The following SPECC1L variants were observed in gnomAD, a reference collection of about 807,000 sequenced individuals.
SPECC1L encodes the protein sperm antigen with calponin homology and coiled-coil domains 1 like, also known as cytospin-A.
In SPECC1L, 40 loss-of-function variants were observed where a neutral mutation model predicts 116.8. The ratio of observed to expected loss-of-function variants is 0.34; its 90% CI spans 0.27 to 0.45. SPECC1L has a LOEUF of 0.45. SPECC1L is among the 20% of genes least tolerant of loss of function. SPECC1L has a pLI of 1.00. For missense variants in SPECC1L, 1,110 were observed against 1,373.6 expected, an observed-to-expected ratio of 0.81 and a Z score of 3.03; for synonymous variants, 504 against 500.6, an observed-to-expected ratio of 1.01 and a Z score of -0.09.
rs2048708048 is a variant in SPECC1L, at chr22:24,270,905, G to A, written c.-220G>A. 1 of 152,302 alleles carries A rather than the reference G, an allele frequency of 6.6e-6. No homozygotes were observed. The highest frequency in any genetic ancestry group is 1.5e-5 in the Non-Finnish European group (1 of 68,124). The allele number at this position is 152,302 out of a possible 1,614,324, so 9.4% of individuals were successfully genotyped here. ...TGCTTTCCTGAGGCCGGACTCAACG[G>A]GTCTCGGCTGAGCCACCGGGTGAGC... On this transcript the variant is annotated 5_prime_UTR_variant, in exon 1 of 17. Coordinates refer to ENST00000314328, the MANE Select transcript of SPECC1L (RefSeq NM_015330.6).
At chr22:24,337,915 A>G (rs1056940831) in intron 9 of SPECC1L, among the ~76,000 whole-genome samples, 2 of 152,246 alleles carry the variant, frequency 1.3e-5, no homozygotes, top group African/African-American at 4.8e-5. Flanking sequence ...ATCAGAAAAT[A>G]TATGCGAAGT....
chr22:24,341,349 G>T (rs1179335642), intron 10 of SPECC1L, among the ~76,000 whole-genome samples: 3 of 152,150 alleles, frequency 2.0e-5, no homozygotes, highest in Non-Finnish European at 4.4e-5. Flanking sequence ...CAGGAACAGG[G>T]AGCTATCACA....
At chr22:24,356,407 TTTATTA>T (rs748034306) in intron 11 of SPECC1L, among the ~76,000 whole-genome samples, 1 of 151,978 alleles carries the variant, frequency 6.6e-6, no homozygotes, top group African/African-American at 2.4e-5. Flanking sequence ...AACTAGCCCC[TTTATTA>T]TTATTATTAT....
intron 10 of SPECC1L, among the ~76,000 whole-genome samples, chr22:24,344,691 TC>T (rs1215856632): frequency 6.6e-6 from 1 of 151,352 alleles, no homozygotes; most frequent in Non-Finnish European, 1.5e-5. Flanking sequence ...ATGTAGAAAA[TC>T]CTAAGGAGTC....
At chr22:24,281,621 A>G (rs2048944126) in intron 2 of SPECC1L, among the ~76,000 whole-genome samples, 1 of 152,204 alleles carries the variant, frequency 6.6e-6, no homozygotes, top group Admixed American at 6.5e-5. Flanking sequence ...TATAAAAATA[A>G]TACTTGGTTT....
chr22:24,296,271 C>T (rs2049260271), intron 2 of SPECC1L, among the ~76,000 whole-genome samples: 1 of 152,226 alleles, frequency 6.6e-6, no homozygotes, highest in African/African-American at 2.4e-5. Context: ...ATCCAGTGAA[C>T]TGTACAAGGT....
intron 4 of SPECC1L, among the ~76,000 whole-genome samples, chr22:24,318,353 CACCCAAAAAAT>C (rs2040646168): frequency 1.3e-5 from 2 of 152,144 alleles, no homozygotes; most frequent in African/African-American, 4.8e-5. Context: ...ACCCCGTCTC[CACCCAAAAAAT>C]ACGAAAACCA....
chr22:24,325,927 T>C (rs959871410), intron 6 of SPECC1L, among the ~76,000 whole-genome samples: 1 of 152,140 alleles, frequency 6.6e-6, no homozygotes, highest in Non-Finnish European at 1.5e-5. Context: ...ACTCCTAACA[T>C]TTTTTGTTTG....
chr22:24,366,599 G>A (rs984483871), intron 13 of SPECC1L, among the ~76,000 whole-genome samples: 1 of 152,166 alleles, frequency 6.6e-6, no homozygotes, highest in African/African-American at 2.4e-5. Flanking sequence ...TGGAAAAGAG[G>A]TGAAGAGAGG....
chr22:24,324,562 C>G (rs527289857), intron 6 of SPECC1L, 135 bp downstream of exon 6: 47 of 804,856 alleles, frequency 5.8e-5, no homozygotes, highest in Non-Finnish European at 9.3e-5. Flanking sequence ...AGTTCAAAAC[C>G]GAACCAGGCT....
chr22:24,274,524 C>T (rs188696232), intron 1 of SPECC1L, among the ~76,000 whole-genome samples: 1 of 152,312 alleles, frequency 6.6e-6, no homozygotes, highest in African/African-American at 2.4e-5. Context: ...ACTGACTGCT[C>T]TCAGCCACTT....
intron 6 of SPECC1L, among the ~76,000 whole-genome samples, chr22:24,327,296 A>AAAAAAAAAAAAAAAAAAC (rs1556236760): frequency 6.7e-6 from 1 of 149,958 alleles, no homozygotes. Context: ...AAAAAAAAAA[A>AAAAAAAAAAAAAAAAAAC]AAAAAACATC....
At chr22:24,385,338 A>T (rs1601324735) in intron 14 of SPECC1L, among the ~76,000 whole-genome samples, 1 of 152,326 alleles carries the variant, frequency 6.6e-6, no homozygotes, top group East Asian at 1.9e-4. Context: ...CTAAAGGTAT[A>T]GTAATAGATG....
rs1326262564 is a variant in SPECC1L, at chr22:24,336,105, G to A, written c.2560+1532G>A. ...AAGACAGTTATGACCAATTAATACAGTAAAATAATATGCATATTTTAATAA... is the reference window on the plus strand; with the variant it reads ...AAGACAGTTATGACCAATTAATACAATAAAATAATATGCATATTTTAATAA... On this transcript the variant is annotated intron_variant, in intron 9 of 16. Transcript: ENST00000314328. Among the ~76,000 whole-genome samples the A allele has an allele frequency of 2.0e-5, 3 of 151,994 alleles. No homozygotes were observed. The South Asian group carries it at 6.2e-4, about 31-fold the overall frequency.
chr22:24,329,958 G>T (rs1417630875), intron 7 of SPECC1L, among the ~76,000 whole-genome samples: 1 of 152,104 alleles, frequency 6.6e-6, no homozygotes. Flanking sequence ...TTTGAAACTT[G>T]CATGAAGAAG....
chr22:24,412,940 C>T (rs964912751), intron 16 of SPECC1L, among the ~76,000 whole-genome samples: 1 of 152,130 alleles, frequency 6.6e-6, no homozygotes, highest in African/African-American at 2.4e-5. Flanking sequence ...TAAGGATGCC[C>T]CCTGAAAGGG....
rs1185482530 is a variant in SPECC1L, at chr22:24,338,436, C to T, written c.2611C>T (p.Pro871Ser). 6.2e-7 allele frequency: 1 copy of T among 1,614,102 alleles called. No individual in the cohort carries two copies. Among genetic ancestry groups the T allele is most frequent in the African/African-American group, 1.3e-5 (1 of 75,020 alleles). Residue 871 changes from proline (P) to serine (S), a missense_variant, in exon 10 of 17, where the codon CCT (proline) becomes TCT (serine). Physicochemically the swap from Pro to Ser is moderately conservative, Grantham distance 74. This residue lies in a region of SPECC1L where 575 missense variants were observed against 682.4 expected (regional missense o/e 0.84). Coordinates refer to ENST00000314328, the MANE Select transcript of SPECC1L (RefSeq NM_015330.6). ...TCCTCGAACGCCCCTGAGCCCAAGTCCTATGAAAACCCCTCCTGCAGCAGC... is the reference window on the plus strand; with the variant it reads ...TCCTCGAACGCCCCTGAGCCCAAGTTCTATGAAAACCCCTCCTGCAGCAGC... The part of the protein sequence containing the change: ...AIPRTPLSPS[P>S]MKTPPAAAVS...
chr22:24,338,702 A>C (rs2041111847), intron 10 of SPECC1L, among the ~76,000 whole-genome samples: 1 of 152,248 alleles, frequency 6.6e-6, no homozygotes, highest in Non-Finnish European at 1.5e-5. Flanking sequence ...GGCTAACAAC[A>C]GTTGAACACT....
chr22:24,323,077 A>G (rs1193145346), intron 5 of SPECC1L, 159 bp downstream of exon 5: 3 of 983,980 alleles, frequency 3.0e-6, no homozygotes, highest in African/African-American at 3.5e-5. Flanking sequence ...TTTTATTGGA[A>G]TAGTGTGAAA....
Sources: allele counts gnomAD v4.1 joint callset (sites outside exome capture counted in the v4.1 genomes callset), GRCh38; gene constraint gnomAD v4.1.1; regional missense constraint gnomAD v4.1.1; transcripts MANE v1.5; gene names NCBI Gene and HGNC (gene_info 2026-07-23, HGNC 2026-07-21).